PXDNL: variants seen among roughly 807,000 people sequenced by gnomAD.
PXDNL encodes peroxidasin like.
In PXDNL, 145 loss-of-function variants were observed where a neutral mutation model predicts 150.8. The observed-to-expected ratio is 0.96, with a 90% confidence interval of 0.84 to 1.10. The LOEUF is 1.10. Among genes scored for constraint, PXDNL ranks in the 50% least tolerant of loss-of-function variants. The pLI, the probability that PXDNL is intolerant of heterozygous loss-of-function variation, is 0.00. For missense variants in PXDNL, 2,087 were observed against 1,873.9 expected, an observed-to-expected ratio of 1.11 and a Z score of -2.10; for synonymous variants, 757 against 725.7, an observed-to-expected ratio of 1.04 and a Z score of -0.69.
intron 2 of PXDNL, among the ~76,000 whole-genome samples, 156 bp downstream of exon 2, chr8:51,654,533 T>C (rs1001464690): frequency 1.3e-5 from 2 of 152,180 alleles, no homozygotes; most frequent in Non-Finnish European, 2.9e-5. Context: ...ACATAGGCAG[T>C]GTAAAGAAGC....
intron 19 of PXDNL, among the ~76,000 whole-genome samples, chr8:51,358,898 G>A (rs2976995): frequency 1.3e-5 from 2 of 152,144 alleles, no homozygotes; most frequent in Non-Finnish European, 2.9e-5. Context: ...GGGGAACCAC[G>A]CCCAGCCCTG....
intron 4 of PXDNL, among the ~76,000 whole-genome samples, chr8:51,507,046 G>A (rs937596491): frequency 6.6e-6 from 1 of 152,002 alleles, no homozygotes; most frequent in Non-Finnish European, 1.5e-5. Flanking sequence ...CATTCCTCTG[G>A]CTCCTTTAGT....
chr8:51,616,803 C>T (rs956730978), intron 2 of PXDNL, among the ~76,000 whole-genome samples: 5 of 152,106 alleles, frequency 3.3e-5, no homozygotes, highest in East Asian at 1.9e-4. Flanking sequence ...ATTTTCAATC[C>T]GAGGTCAGTT....
intron 2 of PXDNL, among the ~76,000 whole-genome samples, chr8:51,616,367 C>T (rs757104360): frequency 2.0e-5 from 3 of 152,142 alleles, no homozygotes; most frequent in Non-Finnish European, 4.4e-5. Flanking sequence ...GGATCAGCCA[C>T]GATGCCATAC....
intron 3 of PXDNL, among the ~76,000 whole-genome samples, chr8:51,570,578 A>G (rs1262417732): frequency 2.0e-5 from 3 of 151,934 alleles, no homozygotes; most frequent in Admixed American, 1.3e-4. Flanking sequence ...AATTCTTCCT[A>G]ATAATGGCTT....
intron 2 of PXDNL, among the ~76,000 whole-genome samples, chr8:51,640,657 T>G (rs1355352481): frequency 2.0e-5 from 3 of 152,248 alleles, no homozygotes; most frequent in Admixed American, 6.5e-5. Flanking sequence ...GGGACGTGAA[T>G]GACCTCTTCA....
At chr8:51,497,264 C>T (rs952472608) in intron 5 of PXDNL, among the ~76,000 whole-genome samples, 5 of 152,146 alleles carry the variant, frequency 3.3e-5, no homozygotes, top group African/African-American at 4.8e-5. Context: ...CCCTTCCTGA[C>T]ACCTTATACA....
At chr8:51,579,719 C>T (rs1411736639) in intron 3 of PXDNL, among the ~76,000 whole-genome samples, 1 of 152,000 alleles carries the variant, frequency 6.6e-6, no homozygotes, top group East Asian at 1.9e-4. Flanking sequence ...CTGGAAATAA[C>T]TCAGATGTCT....
At chr8:51,766,426 T>G (rs1283885201) in intron 1 of PXDNL, among the ~76,000 whole-genome samples, 1 of 152,252 alleles carries the variant, frequency 6.6e-6, no homozygotes, top group African/African-American at 2.4e-5. Flanking sequence ...TAGTATACTT[T>G]GCAGTGCTTT....
chr8:51,604,816 T>C (rs377135247), intron 2 of PXDNL, among the ~76,000 whole-genome samples: 1 of 152,216 alleles, frequency 6.6e-6, no homozygotes, highest in Non-Finnish European at 1.5e-5. Flanking sequence ...CAACTGCTAT[T>C]GTGTCATCTT....
chr8:51,388,222 A>G (rs990867962), intron 17 of PXDNL, among the ~76,000 whole-genome samples: 7 of 152,178 alleles, frequency 4.6e-5, no homozygotes, highest in African/African-American at 1.4e-4. Context: ...TTATTCGAAG[A>G]CCAAATAGAA....
chr8:51,640,723 G>A (rs935669829), intron 2 of PXDNL, among the ~76,000 whole-genome samples: 5 of 152,136 alleles, frequency 3.3e-5, no homozygotes, highest in Non-Finnish European at 5.9e-5. Context: ...AGAAACGGAA[G>A]AACATTCCAT....
intron 19 of PXDNL, among the ~76,000 whole-genome samples, chr8:51,360,429 T>C (rs1806690763): frequency 6.6e-6 from 1 of 152,194 alleles, no homozygotes; most frequent in African/African-American, 2.4e-5. Flanking sequence ...GTATCATACG[T>C]GCACATAGCT....
intron 22 of PXDNL, among the ~76,000 whole-genome samples, chr8:51,320,330 CTAAA>C (rs1805279439): frequency 6.6e-6 from 1 of 152,220 alleles, no homozygotes; most frequent in Non-Finnish European, 1.5e-5. Flanking sequence ...AAAAAGCAAA[CTAAA>C]TAACGAATAC....
chr8:51,547,719 C>G (rs1387429184), intron 4 of PXDNL, among the ~76,000 whole-genome samples: 1 of 152,144 alleles, frequency 6.6e-6, no homozygotes, highest in Non-Finnish European at 1.5e-5. Flanking sequence ...GATCTTTCCA[C>G]TGAAACAGTC....
chr8:51,605,620 G>T (rs993629219), intron 2 of PXDNL, among the ~76,000 whole-genome samples: 2 of 152,146 alleles, frequency 1.3e-5, no homozygotes, highest in Admixed American at 1.3e-4. Flanking sequence ...TGAATCATTT[G>T]ATTTCCTAAA....
intron 4 of PXDNL, among the ~76,000 whole-genome samples, chr8:51,540,502 G>A (rs970009942): frequency 5.3e-5 from 8 of 152,010 alleles, no homozygotes; most frequent in Admixed American, 2.0e-4. Context: ...TTACTTAATA[G>A]GTCTAAATAT....
chr8:51,383,495 C>T (rs73579659), intron 17 of PXDNL, among the ~76,000 whole-genome samples: 4 of 152,160 alleles, frequency 2.6e-5, no homozygotes, highest in African/African-American at 7.2e-5. Flanking sequence ...ATACAAAGGG[C>T]GCTGGTAACT....
At chr8:51,336,570 G>A (rs1400326723) in intron 21 of PXDNL, among the ~76,000 whole-genome samples, 2 of 152,104 alleles carry the variant, frequency 1.3e-5, no homozygotes, top group African/African-American at 4.8e-5. Flanking sequence ...TCTACCTTTG[G>A]GTGCTCCCCA....
Sources: allele counts gnomAD v4.1 joint callset (sites outside exome capture counted in the v4.1 genomes callset), GRCh38; gene constraint gnomAD v4.1.1; transcripts MANE v1.5; gene names NCBI Gene and HGNC (gene_info 2026-07-23, HGNC 2026-07-21).